Variants in DNLZ observed in about 807,000 individuals in gnomAD.
The protein encoded by DNLZ is DNL-type zinc finger protein.
A neutral mutation model predicts 7.8 loss-of-function variants in DNLZ; 15 were observed. The observed-to-expected ratio is 1.91, with a 90% confidence interval of 1.28 to 2.95. The LOEUF is 2.95. Ranked by LOEUF, DNLZ falls within the 30% of genes most tolerant of loss-of-function variation. DNLZ has a pLI of 0.00. For synonymous variants in DNLZ, 123 were observed against 77.8 expected (o/e 1.58, Z -3.05); for missense variants, 255 against 167.3 (o/e 1.52, Z -2.89).
chr9:136,361,774 T>G lies in DNLZ; in HGVS notation c.*238A>C. On this transcript the variant is annotated 3_prime_UTR_variant, in exon 3 of 3. Transcript: ENST00000371738. ...TGTGGGCAAGAGCTGGGTGACTCTG[T>G]GTAGAAGGAACTGTGGTGAGGCGAG... 2.6e-6 allele frequency: 1 copy of G among 387,618 alleles called. No homozygotes were observed. The highest frequency in any genetic ancestry group is 4.5e-6 in the Non-Finnish European group (1 of 219,808). 24.0% of individuals were successfully genotyped at this position (387,618 alleles called of 1,614,324 possible).
At chr9:136,363,253 T>C (rs1317993183) in intron 1 of DNLZ, 125 bp from the exon 2 acceptor site, 4 of 1,125,026 alleles carry the variant, frequency 3.6e-6, no homozygotes, top group Non-Finnish European at 5.0e-6. Flanking sequence ...CCCCGAGGGA[T>C]AGCTCCACCC....
rs1026862472 is a variant in DNLZ, at chr9:136,360,731, C to T, written c.*1281G>A. 6 of 152,170 alleles carry T rather than the reference C, an allele frequency of 3.9e-5. No homozygotes were observed. Among genetic ancestry groups the T allele is most frequent in the African/African-American group, 7.2e-5 (3 of 41,414 alleles). The allele number at this position is 152,170 out of a possible 1,614,324, so 9.4% of individuals were successfully genotyped here. A position where few individuals can be genotyped will look rare whatever the true frequency, so the allele number is the denominator to read the frequency against. ...GCATCAGACAGAAAAGACATGGTAA[C>T]GTCCACATCCCAACTACCAGCCGCC... On this transcript the variant is annotated 3_prime_UTR_variant, in exon 3 of 3. Transcript: ENST00000371738.
chr9:136,363,002 G>C lies in DNLZ; in HGVS notation c.355C>G (p.Leu119Val). 1 of 1,613,752 alleles carries C rather than the reference G, an allele frequency of 6.2e-7. No homozygotes were observed. The highest frequency in any genetic ancestry group is 8.5e-7 in the Non-Finnish European group (1 of 1,179,980). ...IADNLGWFSDLNGKRNIEEIL... is the reference protein window; with the variant it reads ...IADNLGWFSDVNGKRNIEEIL... ...TACAGGCCTCACCTCTTCCCATTCAGGTCCGAGAACCAGCCCAGGTTGTCA... is the reference window on the plus strand; with the variant it reads ...TACAGGCCTCACCTCTTCCCATTCACGTCCGAGAACCAGCCCAGGTTGTCA... Residue 119 changes from leucine to valine, a missense_variant, in exon 2 of 3, where the codon CTG (leucine) becomes GTG (valine). Leu to Val is a conservative substitution (Grantham distance 32, BLOSUM62 1). Coordinates refer to ENST00000371738, the MANE Select transcript of DNLZ (RefSeq NM_001080849.3).
At position 136,361,340 on chromosome 9, in the gene DNLZ, CG is replaced by C. The variant is rs1437076918; in HGVS notation, c.*671del. On this transcript the variant is annotated 3_prime_UTR_variant, in exon 3 of 3. Coordinates refer to ENST00000371738, the MANE Select transcript of DNLZ (RefSeq NM_001080849.3). Reference sequence around the variant, plus strand: ...CTGTGTTTGCTCGCTTTCATAAACACGGGAACATCCTGCGCACAGACAAGGC... The same window carrying C: ...CTGTGTTTGCTCGCTTTCATAAACACGGAACATCCTGCGCACAGACAAGGC... The C allele has an allele frequency of 2.6e-5, 4 of 152,296 alleles. No individual in the cohort carries two copies. Among genetic ancestry groups the C allele is most frequent in the Non-Finnish European group, 5.9e-5 (4 of 68,072 alleles). The allele number at this position is 152,296 out of a possible 1,614,324, so 9.4% of individuals were successfully genotyped here. A position where few individuals can be genotyped will look rare whatever the true frequency, so the allele number is the denominator to read the frequency against.
chr9:136,362,161 T>C lies in DNLZ; in HGVS notation c.388A>G (p.Thr130Ala), dbSNP rs2131425793. ...NGKRNIEEIL[T>A]ARGEQVHRVA... ...CGGTGCACCTGCTCGCCTCTGGCCG[T>C]CAGGATCTCTTCGATATTTCTGGGG... is the stretch of plus-strand genomic sequence containing the variant. The change falls in exon 3 of 3, where the codon ACG (threonine) becomes GCG (alanine). Residue 130 changes from threonine (T) to alanine (A), a missense_variant. Transcript: ENST00000371738. 3.3e-6 allele frequency: 5 copies of C among 1,496,154 alleles called. No individual in the cohort carries two copies. The highest frequency in any genetic ancestry group is 4.4e-6 in the Non-Finnish European group (5 of 1,127,364). 92.7% of individuals were successfully genotyped at this position (1,496,154 alleles called of 1,614,324 possible).
At chr9:136,362,894 G>A (rs146320221) in intron 2 of DNLZ, 95 bp downstream of exon 2, 11 of 1,163,264 alleles carry the variant, frequency 9.5e-6, no homozygotes, top group Admixed American at 7.7e-5. Context: ...TCCCAGGTGA[G>A]ATCTATAAAC....
In DNLZ at chr9:136,362,150, G is replaced by C; in HGVS notation, c.399C>G (p.Gly133=). The change falls in exon 3 of 3, where the codon GGC becomes GGG. Residue 133 remains glycine, a synonymous_variant. Transcript: ENST00000371738. ...RNIEEILTAR[G]EQVHRVAGEG... ...CGCCCGCCACACGGTGCACCTGCTCGCCTCTGGCCGTCAGGATCTCTTCGA... is the reference window on the plus strand; with the variant it reads ...CGCCCGCCACACGGTGCACCTGCTCCCCTCTGGCCGTCAGGATCTCTTCGA... 2.0e-6 allele frequency: 3 copies of C among 1,500,472 alleles called. No homozygotes were observed. The highest frequency in any genetic ancestry group is 8.9e-7 in the Non-Finnish European group (1 of 1,129,278). The allele number at this position is 1,500,472 out of a possible 1,614,324, so 92.9% of individuals were successfully genotyped here.
chr9:136,360,086 CG>C lies in DNLZ; in HGVS notation c.*1925del. 1 of 152,368 alleles carries C rather than the reference CG, an allele frequency of 6.6e-6. No homozygotes were observed. Among genetic ancestry groups the C allele is most frequent in the Non-Finnish European group, 1.5e-5 (1 of 68,054 alleles). The allele number at this position is 152,368 out of a possible 1,614,324, so 9.4% of individuals were successfully genotyped here. A position where few individuals can be genotyped will look rare whatever the true frequency, so the allele number is the denominator to read the frequency against. On this transcript the variant is annotated 3_prime_UTR_variant, in exon 3 of 3. Coordinates refer to ENST00000371738, the MANE Select transcript of DNLZ (RefSeq NM_001080849.3). The stretch of plus-strand genomic sequence containing the variant: ...CTGCTTGTGGTGGGTGGCACCCCCA[CG>C]GGGCCCCCGTCAGGGGACACACAGG...
In DNLZ at chr9:136,363,087, G is replaced by C. The variant is rs374896341; in HGVS notation, c.270C>G (p.Ala90=). 3 of 1,613,530 alleles carry C rather than the reference G, an allele frequency of 1.9e-6. No homozygotes were observed. Among genetic ancestry groups the C allele is most frequent in the Non-Finnish European group, 2.5e-6 (3 of 1,179,998 alleles). Residue 90 remains alanine, a synonymous_variant, in exon 2 of 3, where the codon GCC becomes GCG. Transcript: ENST00000371738. ...TCACAATGACCACGCCTTGGTGATA[G>C]GCCAGCTTGGAGATGCGCTTGGAGG... The part of the protein sequence containing the change: ...TRSSKRISKL[A]YHQGVVIVTC...
chr9:136,361,624 C>T lies in DNLZ; in HGVS notation c.*388G>A, dbSNP rs569260305. 2.2e-5 allele frequency: 4 copies of T among 178,880 alleles called. No homozygotes were observed. The highest frequency in any genetic ancestry group is 3.9e-4 in the South Asian group (2 of 5,074). 11.1% of individuals were successfully genotyped at this position (178,880 alleles called of 1,614,324 possible). On this transcript the variant is annotated 3_prime_UTR_variant, in exon 3 of 3. Coordinates refer to ENST00000371738, the MANE Select transcript of DNLZ (RefSeq NM_001080849.3). ...AGGCCGCCAGAGCTGGCCAGGGGGG[C>T]GGCAAGGGCCTTGCAGAGGAAGGCT...
In DNLZ at chr9:136,363,645, T is replaced by G. The variant is rs1271169729; in HGVS notation, c.70A>C (p.Arg24=). 4 of 431,926 alleles carry G rather than the reference T, an allele frequency of 9.3e-6. No individual in the cohort carries two copies. Among genetic ancestry groups the G allele is most frequent in the East Asian group, 7.8e-5 (2 of 25,656 alleles). The allele number at this position is 431,926 out of a possible 1,614,324, so 26.8% of individuals were successfully genotyped here. A position where few individuals can be genotyped will look rare whatever the true frequency, so the allele number is the denominator to read the frequency against. Residue 24 remains arginine (R), a synonymous_variant, in exon 1 of 3, where the codon AGG becomes CGG. Transcript: ENST00000371738. ...CGGGCCCCGCGGCCCCACAGCCGCC[T>G]CAGGCAGGGCGCCCGGGGCTGCACG... ...SRVQPRAPCL[R]RLWGRGARPE...
chr9:136,363,399 C>A (rs1833021247), intron 1 of DNLZ, 88 bp downstream of exon 1: 2 of 755,146 alleles, frequency 2.6e-6, no homozygotes, highest in African/African-American at 1.7e-5. Flanking sequence ...CACGCCGCCT[C>A]CCGGATCCCC....
rs775631779 is a variant in DNLZ at position 136,363,705 on chromosome 9, T to A, written c.10A>T (p.Thr4Ser). 1.4e-4 allele frequency: 65 copies of A among 462,368 alleles called. No homozygotes were observed. In the East Asian group the frequency reaches 2.0e-3, roughly 14 times the overall value. 28.6% of individuals were successfully genotyped at this position (462,368 alleles called of 1,614,324 possible). ...AACCTCGGCGCGCCGCGCAGCGCAG[T>A]CCGCAGCATCCCGCTCGCCGGCTCC... MLR[T>S]ALRGAPRLLS... The change falls in exon 1 of 3, where the codon ACT becomes TCT. Residue 4 changes from threonine to serine, a missense_variant. By Grantham distance (58) the Thr-to-Ser change is moderately conservative (BLOSUM62 1). Transcript: ENST00000371738.
chr9:136,362,061 G>A lies in DNLZ; in HGVS notation c.488C>T (p.Ala163Val), dbSNP rs61729715. Residue 163 changes from alanine (A) to valine (V), a missense_variant, in exon 3 of 3, where the codon GCG becomes GTG. Ala to Val is a moderately conservative substitution (Grantham distance 64). Transcript: ENST00000371738. Reference sequence around the variant, plus strand: ...GCTGGGGGGACCCTCATCCTCACCCGCTTCCGGAGCTGCAGTGGATGTGGG... The same window carrying A: ...GCTGGGGGGACCCTCATCCTCACCCACTTCCGGAGCTGCAGTGGATGTGGG... ...GAPTSTAAPE[A>V]GEDEGPPSPG... 11,417 of 1,421,878 alleles carry A rather than the reference G, an allele frequency of 8.0e-3. 85 individuals carry two copies. Among genetic ancestry groups the A allele is most frequent in the Non-Finnish European group, 7.8e-3 (8,437 of 1,079,694 alleles). The allele number at this position is 1,421,878 out of a possible 1,614,324, so 88.1% of individuals were successfully genotyped here.
At position 136,361,810 on chromosome 9, in the gene DNLZ, GC is replaced by G. The variant is rs1832984927; in HGVS notation, c.*201del. Reference sequence around the variant, plus strand: ...CTGTGGTGAGGCGAGAGGTCCTGCGGCTCCTATGTCCCACCCAGCAGCACCA... The same window carrying G: ...CTGTGGTGAGGCGAGAGGTCCTGCGGTCCTATGTCCCACCCAGCAGCACCA... On this transcript the variant is annotated 3_prime_UTR_variant, in exon 3 of 3. Transcript: ENST00000371738. 2 of 410,252 alleles carry G rather than the reference GC, an allele frequency of 4.9e-6. No individual in the cohort carries two copies. Among genetic ancestry groups the G allele is most frequent in the African/African-American group, 4.1e-5 (2 of 48,986 alleles). The allele number at this position is 410,252 out of a possible 1,614,324, so 25.4% of individuals were successfully genotyped here. A position where few individuals can be genotyped will look rare whatever the true frequency, so the allele number is the denominator to read the frequency against.
chr9:136,362,905 C>T (rs1833007606), intron 2 of DNLZ, 84 bp downstream of exon 2: 2 of 1,354,518 alleles, frequency 1.5e-6, no homozygotes, highest in African/African-American at 1.4e-5. Context: ...ATCTATAAAC[C>T]TCAACACTAG....
rs1438108949 is a variant in DNLZ at position 136,363,577 on chromosome 9, C to G, written c.138G>C (p.Trp46Cys). 9 of 660,472 alleles carry G rather than the reference C, an allele frequency of 1.4e-5. No homozygotes were observed. Among genetic ancestry groups the G allele is most frequent in the Non-Finnish European group, 2.4e-5 (9 of 367,402 alleles). 40.9% of individuals were successfully genotyped at this position (660,472 alleles called of 1,614,324 possible). ...AGRRRAWAWG[W>C]RRSSSEQGPG... ...GCCCCTGCTCGGAGCTTGAGCGCCG[C>G]CAGCCCCAGGCCCAGGCCCGCCGCC... The change falls in exon 1 of 3, where the codon TGG becomes TGC. Residue 46 changes from tryptophan (W) to cysteine (C), a missense_variant. Trp to Cys is a radical substitution (Grantham distance 215). Transcript: ENST00000371738.
rs1832948396 is a variant in DNLZ, at chr9:136,359,754, A to C, written c.*2258T>G. 6.6e-6 allele frequency: 1 copy of C among 152,334 alleles called. No individual in the cohort carries two copies. Among genetic ancestry groups the C allele is most frequent in the South Asian group, 2.1e-4 (1 of 4,830 alleles). 9.4% of individuals were successfully genotyped at this position (152,334 alleles called of 1,614,324 possible). Reference sequence around the variant, plus strand: ...TTTAACCACGGGGGAGCTGGGGCACAGAGGGGTGAAGTGGCTGCCTGCTGT... The same window carrying C: ...TTTAACCACGGGGGAGCTGGGGCACCGAGGGGTGAAGTGGCTGCCTGCTGT... On this transcript the variant is annotated 3_prime_UTR_variant, in exon 3 of 3. Transcript: ENST00000371738.
In DNLZ at chr9:136,359,948, C is replaced by CG. The variant is rs1564362678; in HGVS notation, c.*2063dup. 1 of 152,274 alleles carries CG rather than the reference C, an allele frequency of 6.6e-6. No individual in the cohort carries two copies. Among genetic ancestry groups the CG allele is most frequent in the African/African-American group, 2.4e-5 (1 of 41,432 alleles). 9.4% of individuals were successfully genotyped at this position (152,274 alleles called of 1,614,324 possible). Reference sequence around the variant, plus strand: ...AGCCTGCTGCCGCCCACCCAGCACCCGGGGGAGGGAGGTCCTTTCCTGGAG... The same window carrying CG: ...AGCCTGCTGCCGCCCACCCAGCACCCGGGGGGAGGGAGGTCCTTTCCTGGAG... On this transcript the variant is annotated 3_prime_UTR_variant, in exon 3 of 3. Transcript: ENST00000371738.
Sources: allele counts gnomAD v4.1 joint callset, GRCh38; gene constraint gnomAD v4.1.1; transcripts MANE v1.5; gene names NCBI Gene and HGNC (gene_info 2026-07-23, HGNC 2026-07-21).